Variants in GABBR2 observed in about 807,000 individuals in gnomAD.
GABBR2 encodes gamma-aminobutyric acid type B receptor subunit 2.
GABBR2 carries 23 observed loss-of-function variants against 105.6 expected under a neutral mutation model. That is an observed-to-expected ratio of 0.22 (90% CI 0.16 to 0.31). The LOEUF is 0.31. Ranked by LOEUF, GABBR2 falls within the 10% of genes least tolerant of loss-of-function variation. GABBR2 has a pLI of 1.00. For missense variants in GABBR2, 734 were observed against 1,245.5 expected (o/e 0.59, Z 6.18); for synonymous variants, 478 against 499.7 (o/e 0.96, Z 0.58).
rs78481672 is a variant in GABBR2 at position 98,491,499 on chromosome 9, C to T, written c.732+4914G>A. 9.8e-3 allele frequency among the ~76,000 whole-genome samples: 1,494 copies of T among 152,220 alleles called. 26 individuals are homozygous for T. Among genetic ancestry groups the T allele is most frequent in the African/African-American group, 0.034 (1,413 of 41,516 alleles). On this transcript the variant is annotated intron_variant, in intron 4 of 18. Transcript: ENST00000259455. Reference sequence around the variant, plus strand: ...TGGTTTTCATGTTTGTTTTCTGTTTCGAAACATGGATGAGATTTCCTTTGT... The same window carrying T: ...TGGTTTTCATGTTTGTTTTCTGTTTTGAAACATGGATGAGATTTCCTTTGT...
chr9:98,411,062 G>C (rs1832583452), intron 7 of GABBR2, among the ~76,000 whole-genome samples: 1 of 152,138 alleles, frequency 6.6e-6, no homozygotes, highest in Non-Finnish European at 1.5e-5. Flanking sequence ...TAACTTCCAA[G>C]GAGTTTATAA....
intron 8 of GABBR2, among the ~76,000 whole-genome samples, chr9:98,401,108 C>T (rs1832388208): frequency 6.6e-6 from 1 of 152,188 alleles, no homozygotes; most frequent in South Asian, 2.1e-4. Context: ...TGACCCTTCT[C>T]TGTGCCAGTC....
At chr9:98,461,486 G>A (rs1826422326) in intron 6 of GABBR2, among the ~76,000 whole-genome samples, 1 of 152,014 alleles carries the variant, frequency 6.6e-6, no homozygotes, top group African/African-American at 2.4e-5. Context: ...GGGGGATTAT[G>A]GCCTTTTCAA....
chr9:98,339,521 C>A (rs1024766248), intron 13 of GABBR2, among the ~76,000 whole-genome samples: 3 of 152,128 alleles, frequency 2.0e-5, no homozygotes, highest in Non-Finnish European at 2.9e-5. Context: ...TCTGGAATGG[C>A]AGATGATAAG....
chr9:98,580,070 A>G (rs1828979993), intron 1 of GABBR2, among the ~76,000 whole-genome samples: 1 of 151,892 alleles, frequency 6.6e-6, no homozygotes, highest in Non-Finnish European at 1.5e-5. Flanking sequence ...CCAGCTGCTG[A>G]CTCCCAATCT....
At chr9:98,688,505 G>A (rs1830648080) in intron 1 of GABBR2, among the ~76,000 whole-genome samples, 1 of 151,984 alleles carries the variant, frequency 6.6e-6, no homozygotes, top group Non-Finnish European at 1.5e-5. Context: ...ACAATTAACA[G>A]ATGTGCCTAA....
intron 1 of GABBR2, among the ~76,000 whole-genome samples, chr9:98,674,121 A>C (rs1037253082): frequency 1.3e-5 from 2 of 152,092 alleles, no homozygotes; most frequent in African/African-American, 4.8e-5. Flanking sequence ...GGTTTTTATA[A>C]ACTTCCCTTG....
At chr9:98,665,642 G>A (rs1182284993) in intron 1 of GABBR2, among the ~76,000 whole-genome samples, 1 of 152,156 alleles carries the variant, frequency 6.6e-6, no homozygotes, top group African/African-American at 2.4e-5. Context: ...CTAGGGTTCT[G>A]GAGCAAGGCC....
chr9:98,654,587 G>A (rs1004915050), intron 1 of GABBR2, among the ~76,000 whole-genome samples: 1 of 152,188 alleles, frequency 6.6e-6, no homozygotes, highest in Admixed American at 6.5e-5. Context: ...GACATGCAAC[G>A]ACAAGAAGAT....
intron 16 of GABBR2, among the ~76,000 whole-genome samples, chr9:98,301,331 G>A (rs538795722): frequency 6.6e-6 from 1 of 152,312 alleles, no homozygotes; most frequent in Non-Finnish European, 1.5e-5. Flanking sequence ...GGCACCCAGC[G>A]GGTGCCTGCT....
chr9:98,543,467 C>T (rs898608297), intron 2 of GABBR2, among the ~76,000 whole-genome samples: 2 of 151,992 alleles, frequency 1.3e-5, no homozygotes, highest in African/African-American at 2.4e-5. Context: ...TGGGTTCCAG[C>T]GATCCCCACC....
intron 1 of GABBR2, among the ~76,000 whole-genome samples, chr9:98,656,553 C>A (rs1455524869): frequency 1.3e-5 from 2 of 152,170 alleles, no homozygotes; most frequent in Non-Finnish European, 2.9e-5. Flanking sequence ...TATAATCTTA[C>A]CAGGTTTACG....
At chr9:98,398,452 G>A (rs1454722605) in intron 8 of GABBR2, among the ~76,000 whole-genome samples, 1 of 152,092 alleles carries the variant, frequency 6.6e-6, no homozygotes, top group Non-Finnish European at 1.5e-5. Flanking sequence ...GTCTTGCTAA[G>A]TGAGGGGGCT....
intron 8 of GABBR2, among the ~76,000 whole-genome samples, chr9:98,402,763 A>G (rs1832416532): frequency 6.6e-6 from 1 of 152,112 alleles, no homozygotes; most frequent in Non-Finnish European, 1.5e-5. Context: ...TCCCCTTCTC[A>G]TCCATCACTG....
chr9:98,693,440 T>C (rs1327597593), intron 1 of GABBR2, among the ~76,000 whole-genome samples: 1 of 152,240 alleles, frequency 6.6e-6, no homozygotes, highest in Non-Finnish European at 1.5e-5. Context: ...GCCCATGCTC[T>C]GGCCCCCACT....
At chr9:98,544,808 G>T (rs1335177656) in intron 2 of GABBR2, among the ~76,000 whole-genome samples, 1 of 152,122 alleles carries the variant, frequency 6.6e-6, no homozygotes. Context: ...TCACAAAGAG[G>T]ATCATTCCAA....
At chr9:98,353,029 G>A (rs1831426904) in intron 13 of GABBR2, among the ~76,000 whole-genome samples, 1 of 152,114 alleles carries the variant, frequency 6.6e-6, no homozygotes, top group Non-Finnish European at 1.5e-5. Flanking sequence ...ATGGGACCCA[G>A]AGTGAAATCC....
intron 12 of GABBR2, among the ~76,000 whole-genome samples, chr9:98,367,976 T>C (rs1831711525): frequency 6.6e-6 from 1 of 152,200 alleles, no homozygotes; most frequent in Admixed American, 6.5e-5. Flanking sequence ...TTAACCCTTT[T>C]TAAGTGGAGA....
At chr9:98,707,718 G>A (rs1830916243) in intron 1 of GABBR2, among the ~76,000 whole-genome samples, 1 of 152,212 alleles carries the variant, frequency 6.6e-6, no homozygotes, top group African/African-American at 2.4e-5. Context: ...CTGCACGTCC[G>A]GGACGAGAAC....
Sources: gnomAD v4.1 joint callset for allele counts (sites outside exome capture counted in the v4.1 genomes callset) on GRCh38, gnomAD v4.1.1 for gene constraint, MANE v1.5 for transcripts, NCBI Gene and HGNC (gene_info 2026-07-23, HGNC 2026-07-21) for gene names.